ANKFN1: variants seen among roughly 807,000 people sequenced by gnomAD.
ANKFN1 encodes the protein ankyrin repeat and fibronectin type III domain containing 1.
ANKFN1 carries 74 observed loss-of-function variants against 108.7 expected under a neutral mutation model. The observed-to-expected ratio is 0.68, with a 90% CI of 0.56 to 0.83. The LOEUF (loss-of-function observed/expected upper bound fraction) is 0.83. ANKFN1 is among the 40% of genes least tolerant of loss of function. The pLI is 0.00. For synonymous variants in ANKFN1, 547 were observed against 516.2 expected, an observed-to-expected ratio of 1.06 and a Z score of -0.81; for missense variants, 1,505 against 1,382.3, an observed-to-expected ratio of 1.09 and a Z score of -1.41.
In ANKFN1 at chr17:56,515,956, G is replaced by A. The variant is rs2051904348; in HGVS notation, c.*4687G>A. Among the ~76,000 whole-genome samples, 1 of 152,164 alleles carries A rather than the reference G, an allele frequency of 6.6e-6. No homozygotes were observed. Among genetic ancestry groups the A allele is most frequent in the South Asian group, 2.1e-4 (1 of 4,832 alleles). ...TTGTTGTTTTAAATATTATCATAGG[G>A]TCTTTCTCCTACAGATTTTTTTTTA... is the stretch of plus-strand genomic sequence containing the variant. On this transcript the variant is annotated 3_prime_UTR_variant, in exon 21 of 21. Coordinates refer to ENST00000682825, the MANE Select transcript of ANKFN1 (RefSeq NM_001370326.1).
chr17:56,201,756 C>T (rs1598227152), intron 1 of ANKFN1, among the ~76,000 whole-genome samples: 1 of 152,162 alleles, frequency 6.6e-6, no homozygotes, highest in East Asian at 1.9e-4. Flanking sequence ...TCATACCAGC[C>T]ACAAGTGGGG....
At chr17:56,285,905 A>T (rs1351694823) in intron 3 of ANKFN1, among the ~76,000 whole-genome samples, 1 of 152,048 alleles carries the variant, frequency 6.6e-6, no homozygotes, top group Admixed American at 6.5e-5. Flanking sequence ...GTGTTGACCT[A>T]GTCTTTGTAA....
intron 3 of ANKFN1, among the ~76,000 whole-genome samples, chr17:56,262,197 G>C (rs764736561): frequency 6.6e-6 from 1 of 152,138 alleles, no homozygotes; most frequent in Non-Finnish European, 1.5e-5. Flanking sequence ...AAGGCTCTAC[G>C]ACCCTCTCCC....
chr17:56,046,693 G>T (rs1262396654), intron 4 of ANKFN1, among the ~76,000 whole-genome samples: 1 of 150,204 alleles, frequency 6.7e-6, no homozygotes, highest in African/African-American at 2.5e-5. Flanking sequence ...CTATTTCTTT[G>T]CTATCAAGCG....
intron 15 of ANKFN1, chr17:56,472,073 C>T (rs2050336961): frequency 6.6e-6 from 1 of 152,048 alleles, no homozygotes; most frequent in Non-Finnish European, 1.5e-5. Context: ...TAAAAAGAAA[C>T]AAGTGTAAGT....
At chr17:56,110,467 G>A (rs1905899213) in intron 4 of ANKFN1, among the ~76,000 whole-genome samples, 1 of 152,118 alleles carries the variant, frequency 6.6e-6, no homozygotes, top group African/African-American at 2.4e-5. Context: ...GGGACTAGTC[G>A]ATTAGTGTCT....
rs746630021 is a variant in ANKFN1 at position 56,513,471 on chromosome 17, G to T, written c.*2202G>T. On this transcript the variant is annotated 3_prime_UTR_variant, in exon 21 of 21. Coordinates refer to ENST00000682825, the MANE Select transcript of ANKFN1 (RefSeq NM_001370326.1). ...TCTACTTATTTCTAATTATAAAATG[G>T]ATTACTTTGTTCAATGAGTTTGTGA... is the stretch of plus-strand genomic sequence containing the variant. 1.3e-5 allele frequency among the ~76,000 whole-genome samples: 2 copies of T among 152,124 alleles called. No homozygotes were observed. The highest frequency in any genetic ancestry group is 2.9e-5 in the Non-Finnish European group (2 of 68,032).
chr17:56,081,336 T>TTGTTTATGTATG (rs151083712), intron 4 of ANKFN1, among the ~76,000 whole-genome samples: 2 of 151,062 alleles, frequency 1.3e-5, no homozygotes, highest in African/African-American at 2.4e-5. Flanking sequence ...TTTTATTTGT[T>TTGTTTATGTATG]TATTTATTTA....
At chr17:56,119,953 A>C (rs1906508582) in intron 4 of ANKFN1, among the ~76,000 whole-genome samples, 1 of 152,134 alleles carries the variant, frequency 6.6e-6, no homozygotes. Context: ...CACTCCACAC[A>C]GCTGTGTGAT....
intron 3 of ANKFN1, among the ~76,000 whole-genome samples, chr17:56,234,010 A>G (rs897085078): frequency 5.3e-5 from 8 of 152,144 alleles, no homozygotes; most frequent in Admixed American, 6.6e-5. Context: ...ACAATATGAC[A>G]GCTATAGACA....
intron 3 of ANKFN1, chr17:56,228,214 A>C: frequency 2.5e-6 from 1 of 400,262 alleles, no homozygotes; most frequent in Non-Finnish European, 4.4e-6. Context: ...GAGTAAAAAA[A>C]TAGGCAATAT....
intron 8 of ANKFN1, among the ~76,000 whole-genome samples, chr17:56,410,472 T>C (rs2048059692): frequency 6.6e-6 from 1 of 152,210 alleles, no homozygotes; most frequent in African/African-American, 2.4e-5. Flanking sequence ...GTATACATTG[T>C]AGAAAAATTC....
chr17:56,480,637 A>T (rs1244283214), intron 16 of ANKFN1, 31 bp from the exon 17 acceptor site: 1 of 1,609,776 alleles, frequency 6.2e-7, no homozygotes, highest in Non-Finnish European at 8.5e-7. Context: ...CTTTTGTTAT[A>T]TTTCTAATTT....
intron 5 of ANKFN1, among the ~76,000 whole-genome samples, chr17:56,353,398 G>A (rs149934494): frequency 4.8e-4 from 73 of 152,000 alleles, no homozygotes; most frequent in Admixed American, 2.8e-3. Context: ...CACCACACTC[G>A]GCTAATTTTT....
rs1168351207 is a variant in ANKFN1, at chr17:56,295,714, T to C, written c.54-30507T>C. Among the ~76,000 whole-genome samples the C allele has an allele frequency of 3.9e-5, 6 of 152,176 alleles. No individual in the cohort carries two copies. The East Asian group carries it at 1.2e-3, about 29-fold the overall frequency. On this transcript the variant is annotated intron_variant, in intron 3 of 20. Coordinates refer to ENST00000682825, the MANE Select transcript of ANKFN1 (RefSeq NM_001370326.1). Reference sequence around the variant, plus strand: ...ATTTATATTAAACAGGAATTTTTTCTCACAGTTCTAGAGGCTGGGAAGTAC... The same window carrying C: ...ATTTATATTAAACAGGAATTTTTTCCCACAGTTCTAGAGGCTGGGAAGTAC...
intron 1 of ANKFN1, among the ~76,000 whole-genome samples, chr17:56,170,843 C>CACAT (rs1555604591): frequency 5.2e-5 from 7 of 133,900 alleles, no homozygotes; most frequent in African/African-American, 1.9e-4. Flanking sequence ...CATATACACA[C>CACAT]ATATATATAT....
At chr17:56,249,284 A>C (rs1042153966) in intron 3 of ANKFN1, among the ~76,000 whole-genome samples, 1 of 152,068 alleles carries the variant, frequency 6.6e-6, no homozygotes, top group Non-Finnish European at 1.5e-5. Context: ...AAGCACAAAA[A>C]ATAGCCGGGC....
intron 4 of ANKFN1, among the ~76,000 whole-genome samples, chr17:56,109,213 C>T (rs989198140): frequency 4.6e-5 from 7 of 152,098 alleles, no homozygotes; most frequent in East Asian, 1.9e-4. Context: ...ATCAGTGGCT[C>T]GATACAACCA....
At chr17:56,280,699 G>A (rs548892561) in intron 3 of ANKFN1, among the ~76,000 whole-genome samples, 2 of 150,634 alleles carry the variant, frequency 1.3e-5, no homozygotes, top group Admixed American at 6.6e-5. Flanking sequence ...ACAAAATCAC[G>A]GAGTTTTTTT....
Sources: allele counts gnomAD v4.1 joint callset (sites outside exome capture counted in the v4.1 genomes callset), GRCh38; gene constraint gnomAD v4.1.1; transcripts MANE v1.5; gene names NCBI Gene and HGNC (gene_info 2026-07-23, HGNC 2026-07-21).